Variants in GDNF observed in about 807,000 individuals in gnomAD.
GDNF encodes glial cell derived neurotrophic factor.
A neutral mutation model predicts 13.7 loss-of-function variants in GDNF; 5 were observed. The ratio of observed to expected loss-of-function variants is 0.36; its 90% CI spans 0.19 to 0.77. The LOEUF is 0.77. Ranked by LOEUF, GDNF falls within the 30% of genes least tolerant of loss-of-function variation. The pLI, the probability that GDNF is intolerant of heterozygous loss-of-function variation, is 0.51. For synonymous variants in GDNF, 122 were observed against 112.5 expected, an observed-to-expected ratio of 1.08 and a Z score of -0.53; for missense variants, 246 against 274.3, an observed-to-expected ratio of 0.90 and a Z score of 0.73.
chr5:37,824,598 G>A (rs911472702), intron 2 of GDNF: 1 of 152,210 alleles, frequency 6.6e-6, no homozygotes, highest in Non-Finnish European at 1.5e-5. Context: ...CTATTTCAAA[G>A]TGATGACTTT....
chr5:37,821,149 A>T (rs1750124340), intron 2 of GDNF, among the ~76,000 whole-genome samples: 2 of 152,182 alleles, frequency 1.3e-5, no homozygotes, highest in Admixed American at 1.3e-4. Context: ...GATGCTGGGC[A>T]GCCTCACTGA....
chr5:37,825,685 C>A (rs1750287806), intron 2 of GDNF, among the ~76,000 whole-genome samples: 1 of 152,176 alleles, frequency 6.6e-6, no homozygotes, highest in Non-Finnish European at 1.5e-5. Flanking sequence ...TTCAGCGAAG[C>A]CCTGCCCCCA....
At chr5:37,836,658 C>T (rs7705860) in intron 1 of GDNF, among the ~76,000 whole-genome samples, 1 of 152,188 alleles carries the variant, frequency 6.6e-6, no homozygotes, top group Non-Finnish European at 1.5e-5. Flanking sequence ...CGAGCTTCCC[C>T]CCTCAAGCCC....
intron 2 of GDNF, among the ~76,000 whole-genome samples, chr5:37,833,764 T>C (rs1356123825): frequency 1.3e-5 from 2 of 152,228 alleles, no homozygotes; most frequent in African/African-American, 2.4e-5. Flanking sequence ...TGAAATTTTC[T>C]ATTGCTATCT....
In GDNF at chr5:37,814,391, C is replaced by T. The variant is rs1413678916; in HGVS notation, c.*1260G>A. 1 of 152,324 alleles carries T rather than the reference C, an allele frequency of 6.6e-6. No homozygotes were observed. Among genetic ancestry groups the T allele is most frequent in the African/African-American group, 2.4e-5 (1 of 41,422 alleles). 9.4% of individuals were successfully genotyped at this position (152,324 alleles called of 1,614,324 possible). A position where few individuals can be genotyped will look rare whatever the true frequency, so the allele number is the denominator to read the frequency against. On this transcript the variant is annotated 3_prime_UTR_variant, in exon 3 of 3. Coordinates refer to ENST00000326524, the MANE Select transcript of GDNF (RefSeq NM_000514.4). ...AAGTGCCAGTGGTCTCTGCACGCTG[C>T]TCCAGGAAAGGGGGCTTGCCTGAGA...
chr5:37,812,895 C>G lies in GDNF; in HGVS notation c.*2756G>C, dbSNP rs1046838008. 6.6e-6 allele frequency: 1 copy of G among 152,162 alleles called. No individual in the cohort carries two copies. The highest frequency in any genetic ancestry group is 2.4e-5 in the African/African-American group (1 of 41,430). The allele number at this position is 152,162 out of a possible 1,614,324, so 9.4% of individuals were successfully genotyped here. A position where few individuals can be genotyped will look rare whatever the true frequency, so the allele number is the denominator to read the frequency against. On this transcript the variant is annotated 3_prime_UTR_variant, in exon 3 of 3. Coordinates refer to ENST00000326524, the MANE Select transcript of GDNF (RefSeq NM_000514.4). ...TTTGTGGATTTGGTGGAGCAACTTG[C>G]TTCCATTAAAACCTGCTTGTGGTGT...
Position 37,814,078 on chromosome 5 carries a change from C to G in GDNF, c.*1573G>C, listed in dbSNP as rs920509817. On this transcript the variant is annotated 3_prime_UTR_variant, in exon 3 of 3. Coordinates refer to ENST00000326524, the MANE Select transcript of GDNF (RefSeq NM_000514.4). Reference sequence around the variant, plus strand: ...GGTAGACCCTACCTCTGGAAGGCCCCTGTGTCTCCCGGGCTGCACTGGGCA... The same window carrying G: ...GGTAGACCCTACCTCTGGAAGGCCCGTGTGTCTCCCGGGCTGCACTGGGCA... The G allele has an allele frequency of 3.9e-5, 6 of 152,738 alleles. No individual in the cohort carries two copies. The highest frequency in any genetic ancestry group is 1.4e-4 in the African/African-American group (6 of 41,550). 9.5% of individuals were successfully genotyped at this position (152,738 alleles called of 1,614,324 possible).
Position 37,834,829 on chromosome 5 carries a change from G to C in GDNF, c.-26-7C>G, listed in dbSNP as rs745700871. ...TCCCGTCCGGCGGCGGCACCTGCGC[G>C]GGCAGGCGGGAGGTGGGGGAGAGAA... On this transcript the variant is annotated splice_polypyrimidine_tract_variant and splice_region_variant and intron_variant, in intron 1 of 2. Transcript: ENST00000326524. 1.9e-6 allele frequency: 3 copies of C among 1,612,216 alleles called. No individual in the cohort carries two copies. In the South Asian group the frequency reaches 3.3e-5, roughly 18 times the overall value.
At chr5:37,835,739 G>T in intron 1 of GDNF, 1 of 1,216,318 alleles carries the variant, frequency 8.2e-7, no homozygotes, top group Non-Finnish European at 1.2e-6. Flanking sequence ...AGAGATTCTG[G>T]CCCTAATCCC....
At chr5:37,824,688 T>C (rs2111672658) in intron 2 of GDNF, among the ~76,000 whole-genome samples, 1 of 152,376 alleles carries the variant, frequency 6.6e-6, no homozygotes, top group African/African-American at 2.4e-5. Context: ...CATTATGTAA[T>C]GACCTTCCGT....
intron 2 of GDNF, among the ~76,000 whole-genome samples, chr5:37,817,023 C>T (rs766090536): frequency 2.6e-5 from 4 of 152,146 alleles, no homozygotes; most frequent in Non-Finnish European, 2.9e-5. Flanking sequence ...AGATGCTGTT[C>T]GTGCATAGAA....
intron 2 of GDNF, among the ~76,000 whole-genome samples, chr5:37,822,751 C>T (rs576529607): frequency 1.1e-4 from 17 of 152,152 alleles, no homozygotes; most frequent in African/African-American, 2.2e-4. Flanking sequence ...CATACACATG[C>T]GTGCATACAT....
At position 37,838,415 on chromosome 5, in the gene GDNF, C is replaced by G. The variant is rs969487895; in HGVS notation, c.-27+1092G>C. On this transcript the variant is annotated intron_variant, in intron 1 of 2. Transcript: ENST00000326524. The surrounding 1 kb of genome is among the most constrained non-coding windows in gnomAD (Gnocchi z 4.1). ...GTGAATGAGGTTGGAAGAAACATCT[C>G]TTCCTTGAAATACCTAAGCATATAT... Among the ~76,000 whole-genome samples the G allele has an allele frequency of 8.5e-5, 13 of 152,274 alleles. No homozygotes were observed. The highest frequency in any genetic ancestry group is 4.1e-4 in the South Asian group (2 of 4,834).
chr5:37,829,037 A>G (rs892730267), intron 2 of GDNF, among the ~76,000 whole-genome samples: 1 of 152,368 alleles, frequency 6.6e-6, no homozygotes, highest in East Asian at 1.9e-4. Context: ...TGCCTGCTCC[A>G]TGGGTGCCCC....
rs774825064 is a variant in GDNF at position 37,815,922 on chromosome 5, G to A, written c.365C>T (p.Ala122Val). 2 of 1,614,130 alleles carry A rather than the reference G, an allele frequency of 1.2e-6. No homozygotes were observed. The highest frequency in any genetic ancestry group is 3.3e-5 in the Admixed American group (2 of 60,020). Reference sequence around the variant, plus strand: ...CAAGTCAGTGACATTTAAATGTATTGCAGTTAAGACACAACCCCGGTTTTT... The same window carrying A: ...CAAGTCAGTGACATTTAAATGTATTACAGTTAAGACACAACCCCGGTTTTT... ...RGKNRGCVLT[A>V]IHLNVTDLGL... The change falls in exon 3 of 3, where the codon GCA becomes GTA. Residue 122 changes from alanine to valine, a missense_variant. Ala to Val is a moderately conservative substitution (Grantham distance 64). Coordinates refer to ENST00000326524, the MANE Select transcript of GDNF (RefSeq NM_000514.4). This position sits in a 1 kb window ranked among gnomAD's most constrained non-coding sequence, Gnocchi z 5.0.
intron 2 of GDNF, among the ~76,000 whole-genome samples, chr5:37,819,000 T>C (rs1404735542): frequency 6.6e-6 from 1 of 152,214 alleles, no homozygotes; most frequent in Non-Finnish European, 1.5e-5. Flanking sequence ...TTGTTATTTA[T>C]AGTCTGTCTT....
At chr5:37,820,433 T>G (rs1750091348) in intron 2 of GDNF, among the ~76,000 whole-genome samples, 1 of 152,198 alleles carries the variant, frequency 6.6e-6, no homozygotes, top group Non-Finnish European at 1.5e-5. Context: ...ACCACATGGC[T>G]TTGTCACAGG....
intron 2 of GDNF, 77 bp from the exon 3 acceptor site, chr5:37,816,212 C>A: frequency 6.6e-7 from 1 of 1,508,366 alleles, no homozygotes; most frequent in Non-Finnish European, 9.1e-7. Flanking sequence ...CAAAGTGCCC[C>A]CCTAAAGTCA....
intron 2 of GDNF, among the ~76,000 whole-genome samples, chr5:37,819,888 A>T (rs1750068894): frequency 6.6e-6 from 1 of 152,186 alleles, no homozygotes; most frequent in Non-Finnish European, 1.5e-5. Context: ...TTAAAAAAAA[A>T]TGAGCTGCTT....
Sources: allele counts gnomAD v4.1 joint callset (sites outside exome capture counted in the v4.1 genomes callset), GRCh38; gene constraint gnomAD v4.1.1; non-coding constraint Gnocchi (gnomAD v3.1); transcripts MANE v1.5; gene names NCBI Gene and HGNC (gene_info 2026-07-23, HGNC 2026-07-21).